The following IGSF10 variants were observed in gnomAD, a reference collection of about 807,000 sequenced individuals.
IGSF10 encodes calvaria mechanical force protein 608.
In IGSF10, 126 loss-of-function variants were observed where a neutral mutation model predicts 128.2. The ratio of observed to expected loss-of-function variants is 0.98; its 90% CI spans 0.85 to 1.14. IGSF10 has a LOEUF of 1.14. Among genes scored for constraint, IGSF10 ranks in the 50% most tolerant of loss-of-function variants. The probability of loss-of-function intolerance (pLI) is 0.00; values close to 1 mark genes in which losing one functional copy is unlikely to be tolerated. For missense variants in IGSF10, 3,295 were observed against 3,149.8 expected (o/e 1.05, Z -1.10); for synonymous variants, 1,185 against 1,146.2 (o/e 1.03, Z -0.68).
the IGSF10 span, among the ~76,000 whole-genome samples, chr3:151,575,527 G>A: frequency 6.6e-6 from 1 of 152,232 alleles, no homozygotes; most frequent in Non-Finnish European, 1.5e-5. Flanking sequence ...AGGACCCACT[G>A]AGCCAGGTGC....
chr3:151,453,199 T>G (rs567295738), intron 5 of IGSF10, among the ~76,000 whole-genome samples, 185 bp downstream of exon 5: 2 of 152,334 alleles, frequency 1.3e-5, no homozygotes, highest in African/African-American at 4.8e-5. Flanking sequence ...TCTGTGACAC[T>G]ACTTGACTGC....
At chr3:151,539,000 T>C in the IGSF10 span, among the ~76,000 whole-genome samples, 1 of 152,194 alleles carries the variant, frequency 6.6e-6, no homozygotes, top group Non-Finnish European at 1.5e-5. Flanking sequence ...GAGCCAGCTT[T>C]TTTTCTTGCC....
chr3:151,571,540 G>A, the IGSF10 span, among the ~76,000 whole-genome samples: 12 of 152,118 alleles, frequency 7.9e-5, no homozygotes, highest in South Asian at 2.5e-3. Context: ...TTGGTGTATA[G>A]GAATGCTTGT....
the IGSF10 span, among the ~76,000 whole-genome samples, chr3:151,497,575 G>A: frequency 1.3e-5 from 2 of 152,176 alleles, no homozygotes; most frequent in African/African-American, 4.8e-5. Context: ...TTTGGTTACT[G>A]TAGCCTTGTA....
chr3:151,606,056 G>A, the IGSF10 span, among the ~76,000 whole-genome samples: 1 of 152,204 alleles, frequency 6.6e-6, no homozygotes, highest in Non-Finnish European at 1.5e-5. Context: ...TTCACTGGGT[G>A]ACATTTCCCA....
chr3:151,443,638 T>A lies in IGSF10; in HGVS notation c.5309A>T (p.Glu1770Val). The A allele has an allele frequency of 1.2e-6, 2 of 1,614,218 alleles. No homozygotes were observed. The highest frequency in any genetic ancestry group is 1.1e-5 in the South Asian group (1 of 91,082). The change falls in exon 7 of 8, where the codon GAA becomes GTA. Residue 1770 changes from glutamate to valine, a missense_variant. Coordinates refer to ENST00000282466, the MANE Select transcript of IGSF10 (RefSeq NM_178822.5). ...GSTVELKCRA[E>V]GRPSPTVTWI... The stretch of plus-strand genomic sequence containing the variant: ...GGTAACTGTAGGGCTTGGCCTACCT[T>A]CTGCTCTGCACTTCAGTTCCACAGT...
chr3:151,479,788 C>T, the IGSF10 span, among the ~76,000 whole-genome samples: 5 of 152,174 alleles, frequency 3.3e-5, no homozygotes, highest in Non-Finnish European at 7.3e-5. Flanking sequence ...CAAACAGACA[C>T]ATTTAACTAT....
intron 5 of IGSF10, among the ~76,000 whole-genome samples, chr3:151,450,228 C>T (rs1192915522): frequency 1.3e-5 from 2 of 152,214 alleles, no homozygotes; most frequent in African/African-American, 4.8e-5. Context: ...AATGGCTGGT[C>T]ACTGGAATAC....
intron 2 of IGSF10, 59 bp from the exon 3 acceptor site, chr3:151,458,769 C>A (rs763477976): frequency 2.1e-6 from 3 of 1,396,192 alleles, no homozygotes; most frequent in Admixed American, 1.9e-5. Context: ...CCCAGGACCA[C>A]CACACACTCA....
the IGSF10 span, among the ~76,000 whole-genome samples, chr3:151,506,808 T>C: frequency 3.3e-5 from 5 of 152,180 alleles, no homozygotes; most frequent in Non-Finnish European, 7.3e-5. Flanking sequence ...AATTGGAAGA[T>C]TGATAGACCA....
At position 151,445,988 on chromosome 3, in the gene IGSF10, A is replaced by C. The variant is rs1006524761; in HGVS notation, c.3993T>G (p.Thr1331=). Residue 1331 remains threonine (T), a synonymous_variant, in exon 6 of 8, where the codon ACT becomes ACG. Coordinates refer to ENST00000282466, the MANE Select transcript of IGSF10 (RefSeq NM_178822.5). Reference sequence around the variant, plus strand: ...TAGATCTCTCTGTTTGGGTTTCATAAGTGATGACAGATGCAGGGAAGGTAG... The same window carrying C: ...TAGATCTCTCTGTTTGGGTTTCATACGTGATGACAGATGCAGGGAAGGTAG... ...TTPTFPASVI[T]YETQTERSRA... is the part of the protein sequence containing the mutation. 5 of 1,614,066 alleles carry C rather than the reference A, an allele frequency of 3.1e-6. No homozygotes were observed. The East Asian group carries it at 1.1e-4, about 36-fold the overall frequency.
the IGSF10 span, among the ~76,000 whole-genome samples, chr3:151,557,521 A>G: frequency 1.7e-4 from 26 of 152,206 alleles, no homozygotes; most frequent in Non-Finnish European, 2.6e-4. Flanking sequence ...TGCATTTGCT[A>G]CTTCCCAGAT....
chr3:151,464,480 T>C (rs2108589070), upstream of IGSF10, among the ~76,000 whole-genome samples: 1 of 144,946 alleles, frequency 6.9e-6, no homozygotes, highest in Non-Finnish European at 1.5e-5. Flanking sequence ...ATCCATACCA[T>C]CCTTTACATC....
the IGSF10 span, among the ~76,000 whole-genome samples, chr3:151,494,735 CT>C: frequency 6.6e-6 from 1 of 152,062 alleles, no homozygotes; most frequent in South Asian, 2.1e-4. Context: ...TTACTTTTAA[CT>C]GTAATTCTCT....
chr3:151,454,069 G>C (rs562363723), intron 4 of IGSF10, among the ~76,000 whole-genome samples: 162 of 149,410 alleles, frequency 1.1e-3, no homozygotes, highest in Non-Finnish European at 2.1e-3. Context: ...CCAGGCTGGA[G>C]TGCAGTGTTG....
the IGSF10 span, among the ~76,000 whole-genome samples, chr3:151,530,103 G>C: frequency 6.6e-6 from 1 of 151,604 alleles, no homozygotes; most frequent in African/African-American, 2.4e-5. Context: ...GCAGAAGAAA[G>C]GCTATCAGAG....
downstream of IGSF10, chr3:151,432,886 A>C: frequency 9.8e-7 from 1 of 1,024,372 alleles, no homozygotes; most frequent in South Asian, 1.6e-5. Flanking sequence ...TCATCTTAAA[A>C]ATGTCCCTTT....
intron 7 of IGSF10, among the ~76,000 whole-genome samples, chr3:151,441,847 G>A (rs1191203922): frequency 2.0e-5 from 3 of 152,170 alleles, no homozygotes; most frequent in Admixed American, 6.5e-5. Context: ...AGATCACGAG[G>A]TCAGGAGATC....
chr3:151,438,342 A>G lies in IGSF10; in HGVS notation c.6219T>C (p.Ser2073=), dbSNP rs749681801. ...TGTTGATCATGGTTCCATCAGGCAAACTCCAAGATATCTCTGGCACTGGGG... is the reference window on the plus strand; with the variant it reads ...TGTTGATCATGGTTCCATCAGGCAAGCTCCAAGATATCTCTGGCACTGGGG... ...SGSPVPEISW[S]LPDGTMINNA... Residue 2073 remains serine, a synonymous_variant, in exon 8 of 8, where the codon AGT becomes AGC. Coordinates refer to ENST00000282466, the MANE Select transcript of IGSF10 (RefSeq NM_178822.5). 3 of 1,614,070 alleles carry G rather than the reference A, an allele frequency of 1.9e-6. No individual in the cohort carries two copies. The Admixed American group carries it at 5.0e-5, about 27-fold the overall frequency.
Sources: gnomAD v4.1 joint callset for allele counts (sites outside exome capture counted in the v4.1 genomes callset) on GRCh38, gnomAD v4.1.1 for gene constraint, MANE v1.5 for transcripts, NCBI Gene and HGNC (gene_info 2026-07-23, HGNC 2026-07-21) for gene names.